Variants in VRK2 observed in about 807,000 individuals in gnomAD.
The protein encoded by VRK2 is VRK serine/threonine kinase 2.
A neutral mutation model predicts 57.6 loss-of-function variants in VRK2; 60 were observed. That is an observed-to-expected ratio of 1.04 (90% CI 0.85 to 1.29). The LOEUF is 1.29. Among genes scored for constraint, VRK2 ranks in the 50% most tolerant of loss-of-function variants. The pLI is 0.00. For synonymous variants in VRK2, 231 were observed against 199.2 expected (o/e 1.16, Z -1.35); for missense variants, 705 against 588.1 (o/e 1.20, Z -2.06).
intron 2 of VRK2, among the ~76,000 whole-genome samples, chr2:58,064,797 A>G (rs1458829568): frequency 6.6e-6 from 1 of 152,162 alleles, no homozygotes; most frequent in African/African-American, 2.4e-5. Flanking sequence ...AGTGTTACAG[A>G]TAATACACTT....
intron 7 of VRK2, among the ~76,000 whole-genome samples, chr2:58,118,125 A>G (rs563461829): frequency 6.6e-6 from 1 of 152,210 alleles, no homozygotes; most frequent in East Asian, 1.9e-4. Flanking sequence ...ACTTGCCACT[A>G]AGGGTGAAGG....
chr2:57,951,210 G>A (rs1196938506), intron 1 of VRK2, among the ~76,000 whole-genome samples: 2 of 152,126 alleles, frequency 1.3e-5, no homozygotes, highest in Admixed American at 6.6e-5. Context: ...ACTTTGAGGT[G>A]GTTAAGACTT....
At chr2:58,062,815 T>C (rs1476491645) in intron 2 of VRK2, among the ~76,000 whole-genome samples, 1 of 152,074 alleles carries the variant, frequency 6.6e-6, no homozygotes, top group African/African-American at 2.4e-5. Context: ...TGGCAAGTGC[T>C]GATGTAGAAG....
chr2:58,053,091 A>G (rs1326810571), intron 2 of VRK2, among the ~76,000 whole-genome samples: 3 of 152,144 alleles, frequency 2.0e-5, no homozygotes, highest in South Asian at 2.1e-4. Context: ...GGAGTACTTA[A>G]CCCACACAAG....
Position 58,022,697 on chromosome 2 carries a change from T to C in VRK2, c.-438-2968T>C, listed in dbSNP as rs185304192. Among the ~76,000 whole-genome samples the C allele has an allele frequency of 8.5e-5, 13 of 152,196 alleles. No homozygotes were observed. The East Asian group carries it at 2.5e-3, about 30-fold the overall frequency. The stretch of plus-strand genomic sequence containing the variant: ...TTGAGACCAGCCCAGGCAACATGGC[T>C]AAACTTCATCTCTATAAAAATACAA... On this transcript the variant is annotated intron_variant, in intron 1 of 15. Transcript: ENST00000417641.
chr2:58,131,687 A>C, intron 8 of VRK2, 121 bp from the exon 9 acceptor site: 1 of 1,236,860 alleles, frequency 8.1e-7, no homozygotes, highest in Non-Finnish European at 1.1e-6. Flanking sequence ...AGCTGAACAA[A>C]TAAAACATTT....
chr2:58,005,919 T>C (rs1193724320), intron 1 of VRK2, among the ~76,000 whole-genome samples: 1 of 152,110 alleles, frequency 6.6e-6, no homozygotes, highest in Non-Finnish European at 1.5e-5. Flanking sequence ...TCTAAGGGGA[T>C]TGCTGCTGCT....
rs371896945 is a variant in VRK2, at chr2:58,072,905, T to A, written c.137-11184T>A. On this transcript the variant is annotated intron_variant, in intron 2 of 12. Coordinates refer to ENST00000340157, the MANE Select transcript of VRK2 (RefSeq NM_006296.7). ...GCCCACCCATCTAGATTTTCTACTA[T>A]GTAAGTTTAGATAATTTATTTTAGA... Among the ~76,000 whole-genome samples the A allele has an allele frequency of 3.3e-5, 5 of 152,162 alleles. 1 individual carries two copies. Among genetic ancestry groups the A allele is most frequent in the African/African-American group, 1.2e-4 (5 of 41,570 alleles).
At chr2:58,158,225 A>G (rs1684296477) in intron 12 of VRK2, among the ~76,000 whole-genome samples, 1 of 152,216 alleles carries the variant, frequency 6.6e-6, no homozygotes, top group South Asian at 2.1e-4. Context: ...GCCTACTGGA[A>G]TAATTATTCA....
intron 1 of VRK2, among the ~76,000 whole-genome samples, chr2:57,959,700 T>G (rs916851406): frequency 6.6e-6 from 1 of 152,156 alleles, no homozygotes; most frequent in Non-Finnish European, 1.5e-5. Context: ...TAATTAACCC[T>G]TGGAAAATAC....
chr2:58,132,002 A>G, intron 9 of VRK2, 74 bp downstream of exon 9: 1 of 1,553,846 alleles, frequency 6.4e-7, no homozygotes, highest in Non-Finnish European at 8.7e-7. Flanking sequence ...CTAACAACAC[A>G]GAGAAGATTG....
chr2:58,066,164 T>G (rs895970968), intron 2 of VRK2, among the ~76,000 whole-genome samples: 10 of 152,194 alleles, frequency 6.6e-5, no homozygotes, highest in South Asian at 2.1e-4. Flanking sequence ...GCGAGAGTGC[T>G]CATTTTTGAC....
chr2:58,122,641 C>G (rs1677691567), intron 7 of VRK2, among the ~76,000 whole-genome samples: 1 of 152,140 alleles, frequency 6.6e-6, no homozygotes, highest in Non-Finnish European at 1.5e-5. Context: ...ATAAGTGGAC[C>G]TGTGCAGTTC....
intron 1 of VRK2, among the ~76,000 whole-genome samples, chr2:58,007,744 C>T (rs2103639549): frequency 6.6e-6 from 1 of 152,026 alleles, no homozygotes; most frequent in African/African-American, 2.4e-5. Flanking sequence ...AATCACTGTC[C>T]CTAACCCCCA....
chr2:58,011,423 G>T (rs139496619), intron 1 of VRK2, among the ~76,000 whole-genome samples: 5 of 152,114 alleles, frequency 3.3e-5, no homozygotes, highest in Non-Finnish European at 5.9e-5. Flanking sequence ...ACTGCCAGTC[G>T]GAAAGCTTCT....
chr2:58,121,987 A>T (rs566028171), intron 7 of VRK2, among the ~76,000 whole-genome samples: 18 of 152,314 alleles, frequency 1.2e-4, no homozygotes, highest in Admixed American at 1.1e-3. Context: ...AAGTAATCTG[A>T]GGTAAATTCA....
intron 1 of VRK2, among the ~76,000 whole-genome samples, chr2:57,923,989 A>G (rs912845481): frequency 2.0e-5 from 3 of 151,774 alleles, no homozygotes; most frequent in Non-Finnish European, 3.0e-5. Context: ...TTTCCTTTCC[A>G]TAATGTATGT....
intron 7 of VRK2, among the ~76,000 whole-genome samples, chr2:58,105,033 A>G (rs895953534): frequency 7.2e-5 from 11 of 151,934 alleles, no homozygotes; most frequent in Middle Eastern, 3.4e-3. Context: ...ATGGACCCCT[A>G]TCTCTCACCA....
intron 2 of VRK2, among the ~76,000 whole-genome samples, chr2:58,052,326 A>G (rs996118561): frequency 3.9e-5 from 6 of 152,158 alleles, no homozygotes; most frequent in African/African-American, 1.4e-4. Flanking sequence ...CTGGTGCCAT[A>G]GTGGGGCCAG....
Sources: gnomAD v4.1 joint callset for allele counts (sites outside exome capture counted in the v4.1 genomes callset) on GRCh38, gnomAD v4.1.1 for gene constraint, MANE v1.5 for transcripts, NCBI Gene and HGNC (gene_info 2026-07-23, HGNC 2026-07-21) for gene names.